The following PDE11A variants were observed in gnomAD, a reference collection of about 807,000 sequenced individuals.
PDE11A encodes the protein dual 3',5'-cyclic-AMP and -GMP phosphodiesterase 11A.
In PDE11A, 100 loss-of-function variants were observed where a neutral mutation model predicts 100.5. The observed-to-expected ratio is 1.00, with a 90% CI of 0.85 to 1.18. PDE11A has a LOEUF of 1.18. Ranked by LOEUF, PDE11A falls within the 50% of genes most tolerant of loss-of-function variation. The probability of loss-of-function intolerance (pLI) is 0.00; values close to 1 mark genes in which losing one functional copy is unlikely to be tolerated. For synonymous variants in PDE11A, 381 were observed against 420.8 expected (o/e 0.91, Z 1.16); for missense variants, 1,141 against 1,152.6 (o/e 0.99, Z 0.15).
chr2:178,058,248 T>A (rs1177584995), intron 1 of PDE11A, among the ~76,000 whole-genome samples: 1 of 152,188 alleles, frequency 6.6e-6, no homozygotes, highest in African/African-American at 2.4e-5. Context: ...TGACTGAATT[T>A]TTCATTATAT....
At chr2:177,971,251 C>T (rs2085767151) in intron 2 of PDE11A, among the ~76,000 whole-genome samples, 1 of 152,196 alleles carries the variant, frequency 6.6e-6, no homozygotes, top group South Asian at 2.1e-4. Context: ...AAAATAGTTA[C>T]CAGCCACCTA....
chr2:178,096,652 C>T (rs557398163), intron 2 of PDE11A, among the ~76,000 whole-genome samples: 19 of 152,356 alleles, frequency 1.2e-4, no homozygotes, highest in Admixed American at 2.0e-4. Flanking sequence ...AGTCTCTTTG[C>T]TAACGCATAG....
chr2:178,030,460 A>G (rs1486844254), intron 1 of PDE11A, among the ~76,000 whole-genome samples: 1 of 152,184 alleles, frequency 6.6e-6, no homozygotes, highest in African/African-American at 2.4e-5. Flanking sequence ...TATACCAAAC[A>G]TCATGGCATT....
At chr2:178,055,506 A>T (rs1470021855) in intron 1 of PDE11A, among the ~76,000 whole-genome samples, 2 of 152,196 alleles carry the variant, frequency 1.3e-5, no homozygotes, top group Admixed American at 1.3e-4. Context: ...ATAAAAAAAT[A>T]AAAATAAAAA....
At chr2:178,019,443 G>A (rs1339133508) in intron 1 of PDE11A, among the ~76,000 whole-genome samples, 32 of 151,842 alleles carry the variant, frequency 2.1e-4, no homozygotes, top group Admixed American at 1.4e-3. Flanking sequence ...CCCATTTGAA[G>A]TTTTCTAATA....
chr2:177,858,605 G>A (rs2083886636), intron 5 of PDE11A, among the ~76,000 whole-genome samples: 3 of 152,166 alleles, frequency 2.0e-5, no homozygotes, highest in Admixed American at 1.3e-4. Flanking sequence ...AACAGGTGCT[G>A]GAAAGGATGT....
intron 9 of PDE11A, among the ~76,000 whole-genome samples, chr2:177,792,634 C>T (rs2082648711): frequency 6.6e-6 from 1 of 152,164 alleles, no homozygotes; most frequent in Non-Finnish European, 1.5e-5. Context: ...GTTTGGGCCA[C>T]TGTCAAACTC....
At chr2:177,929,592 C>T (rs1039084606) in intron 2 of PDE11A, among the ~76,000 whole-genome samples, 1 of 152,186 alleles carries the variant, frequency 6.6e-6, no homozygotes, top group Non-Finnish European at 1.5e-5. Context: ...TGTGGTCTAC[C>T]TTCCCTTTCA....
intron 10 of PDE11A, among the ~76,000 whole-genome samples, chr2:177,733,599 C>T (rs1448171603): frequency 6.6e-6 from 1 of 152,148 alleles, no homozygotes; most frequent in Non-Finnish European, 1.5e-5. Flanking sequence ...GGGTGGTAGT[C>T]CAGCCTTGGC....
At chr2:178,101,257 T>C (rs549879165) in intron 2 of PDE11A, among the ~76,000 whole-genome samples, 20 of 152,190 alleles carry the variant, frequency 1.3e-4, no homozygotes, top group Non-Finnish European at 2.6e-4. Flanking sequence ...TTTACAATTA[T>C]AGTTGTATTA....
intron 1 of PDE11A, chr2:178,104,625 T>A: frequency 1.6e-6 from 1 of 643,296 alleles, no homozygotes; most frequent in Non-Finnish European, 2.7e-6. Context: ...CAAGCTTTAA[T>A]GTATGAGTGC....
At chr2:177,909,298 A>T (rs1444998658) in intron 2 of PDE11A, among the ~76,000 whole-genome samples, 1 of 152,190 alleles carries the variant, frequency 6.6e-6, no homozygotes, top group African/African-American at 2.4e-5. Flanking sequence ...CAATTTTTCA[A>T]GTTAATGCTC....
intron 7 of PDE11A, among the ~76,000 whole-genome samples, chr2:177,819,444 T>C (rs1410795489): frequency 6.6e-6 from 1 of 152,100 alleles, no homozygotes; most frequent in Non-Finnish European, 1.5e-5. Flanking sequence ...ATTTTTATTG[T>C]GTTTCAATAA....
intron 6 of PDE11A, among the ~76,000 whole-genome samples, chr2:177,826,653 TG>T (rs1222598164): frequency 1.3e-5 from 2 of 152,256 alleles, no homozygotes; most frequent in African/African-American, 4.8e-5. Flanking sequence ...TTTTCTCCAC[TG>T]CCCATGCAGC....
intron 19 of PDE11A, among the ~76,000 whole-genome samples, chr2:177,646,870 G>T (rs1372954052): frequency 6.6e-6 from 1 of 152,224 alleles, no homozygotes; most frequent in Non-Finnish European, 1.5e-5. Context: ...GGACAGGCAA[G>T]CCTAAAGACA....
At chr2:178,018,820 T>A (rs975003040) in intron 1 of PDE11A, among the ~76,000 whole-genome samples, 1 of 152,206 alleles carries the variant, frequency 6.6e-6, no homozygotes, top group East Asian at 1.9e-4. Flanking sequence ...AACGCTGGGA[T>A]CACAGGTGTG....
intron 5 of PDE11A, among the ~76,000 whole-genome samples, chr2:177,874,392 G>C (rs992748303): frequency 6.6e-6 from 1 of 152,088 alleles, no homozygotes; most frequent in Non-Finnish European, 1.5e-5. Context: ...CTTCATCATT[G>C]TCATCATCAT....
chr2:177,817,547 C>G (rs146699738), intron 8 of PDE11A, among the ~76,000 whole-genome samples: 1 of 152,062 alleles, frequency 6.6e-6, no homozygotes, highest in African/African-American at 2.4e-5. Flanking sequence ...AGAGCTGGCT[C>G]AGGGTTTCAT....
chr2:177,668,901 G>A (rs2080631221), intron 18 of PDE11A, among the ~76,000 whole-genome samples: 1 of 152,106 alleles, frequency 6.6e-6, no homozygotes, highest in Admixed American at 6.6e-5. Flanking sequence ...GGTGACTGAC[G>A]CAGTTATGTC....
Sources: gnomAD v4.1 joint callset for allele counts (sites outside exome capture counted in the v4.1 genomes callset) on GRCh38, gnomAD v4.1.1 for gene constraint, MANE v1.5 for transcripts, NCBI Gene and HGNC (gene_info 2026-07-23, HGNC 2026-07-21) for gene names.